Variants in ZNF738 observed in about 807,000 individuals in gnomAD.
The protein encoded by ZNF738 is zinc finger protein 738.
A neutral mutation model predicts 9.2 loss-of-function variants in ZNF738; 10 were observed. The observed-to-expected ratio is 1.09, with a 90% confidence interval of 0.67 to 1.85. The LOEUF (loss-of-function observed/expected upper bound fraction) is 1.85, where lower values mean the gene tolerates loss of function less well. ZNF738 is among the 40% of genes most tolerant of loss of function. The pLI, the probability that ZNF738 is intolerant of heterozygous loss-of-function variation, is 0.00. For synonymous variants in ZNF738, 113 were observed against 94.5 expected (o/e 1.20, Z -1.14); for missense variants, 346 against 283.6 (o/e 1.22, Z -1.58).
At chr19:21,364,296 CAT>C (rs1247821704) in intron 2 of ZNF738, among the ~76,000 whole-genome samples, 2 of 150,310 alleles carry the variant, frequency 1.3e-5, no homozygotes, top group Admixed American at 6.6e-5. Context: ...GGCTTTTTTT[CAT>C]AGAGTGGAGC....
At chr19:21,369,544 T>C (rs1199658982) in intron 2 of ZNF738, among the ~76,000 whole-genome samples, 1 of 152,124 alleles carries the variant, frequency 6.6e-6, no homozygotes, top group African/African-American at 2.4e-5. Context: ...TCAGGTTGAG[T>C]TGATTTTTAT....
intron 4 of ZNF738, chr19:21,378,695 G>C (rs912456815): frequency 5.3e-6 from 2 of 379,836 alleles, no homozygotes; most frequent in Middle Eastern, 5.4e-4. Context: ...TGTGTCCCAG[G>C]TTCAAGCAGT....
rs60889988 is a variant in ZNF738 at position 21,364,196 on chromosome 19, C to CAAAA, written c.96+2348_96+2351dup. 8.2e-3 allele frequency among the ~76,000 whole-genome samples: 739 copies of CAAAA among 89,940 alleles called. 36 individuals carry two copies. The highest frequency in any genetic ancestry group is 0.051 in the East Asian group (182 of 3,586). The allele number at this position is 89,940 out of a possible 152,430, so 59.0% of individuals were successfully genotyped here. A position where few individuals can be genotyped will look rare whatever the true frequency, so the allele number is the denominator to read the frequency against. Reference sequence around the variant, plus strand: ...TGGGCAATAGAGCGAGAATCCGTCTCAAAAAAAAAAAAAGAATTCAAAAAG... The same window carrying CAAAA: ...TGGGCAATAGAGCGAGAATCCGTCTCAAAAAAAAAAAAAAAAAGAATTCAAAAAG... On this transcript the variant is annotated intron_variant, in intron 2 of 4. Coordinates refer to ENST00000683779, the MANE Select transcript of ZNF738 (RefSeq NM_001355237.2).
intron 2 of ZNF738, among the ~76,000 whole-genome samples, chr19:21,370,690 C>T (rs549364981): frequency 4.9e-4 from 74 of 152,294 alleles, no homozygotes; most frequent in Non-Finnish European, 9.3e-4. Flanking sequence ...CATGTTGCCT[C>T]AGTTTTTTTC....
intron 2 of ZNF738, among the ~76,000 whole-genome samples, chr19:21,363,015 T>C (rs548263911): frequency 1.3e-5 from 2 of 152,368 alleles, no homozygotes; most frequent in South Asian, 2.1e-4. Flanking sequence ...GTTCAAATTC[T>C]GTTATCTTGA....
In ZNF738 at chr19:21,380,017, A is replaced by C. The variant is rs186806004; in HGVS notation, c.320-2849A>C. On this transcript the variant is annotated intron_variant, in intron 4 of 4. Coordinates refer to ENST00000683779, the MANE Select transcript of ZNF738 (RefSeq NM_001355237.2). Reference sequence around the variant, plus strand: ...AGTAACAAAAGGAACACTTATTAAGAAAATTTGATGATAAAAATGTTAGGC... The same window carrying C: ...AGTAACAAAAGGAACACTTATTAAGCAAATTTGATGATAAAAATGTTAGGC... Among the ~76,000 whole-genome samples the C allele has an allele frequency of 1.6e-3, 251 of 152,354 alleles. 1 individual carries two copies. The highest frequency in any genetic ancestry group is 5.7e-3 in the African/African-American group (236 of 41,584).
In ZNF738 at chr19:21,386,349, T is replaced by C; in HGVS notation, c.*2675T>C. ...ATGCTGGAGGGAAATCCCACCCATG[T>C]GGCAAAGCTTTTAATCAATCCTCAA... On this transcript the variant is annotated 3_prime_UTR_variant, in exon 5 of 5. Transcript: ENST00000683779. 3.3e-6 allele frequency: 1 copy of C among 307,240 alleles called. No homozygotes were observed. The highest frequency in any genetic ancestry group is 3.4e-5 in the South Asian group (1 of 29,814). The allele number at this position is 307,240 out of a possible 1,614,324, so 19.0% of individuals were successfully genotyped here.
At chr19:21,380,508 G>A (rs966150040) in intron 4 of ZNF738, among the ~76,000 whole-genome samples, 1 of 152,104 alleles carries the variant, frequency 6.6e-6, no homozygotes, top group Non-Finnish European at 1.5e-5. Flanking sequence ...AGGGAGGTGG[G>A]CTAGATGGCT....
chr19:21,366,209 C>G (rs1973776000), intron 2 of ZNF738, among the ~76,000 whole-genome samples: 1 of 152,132 alleles, frequency 6.6e-6, no homozygotes, highest in Non-Finnish European at 1.5e-5. Context: ...AATTAACATC[C>G]AGTGGTGTGA....
chr19:21,361,483 T>A (rs1343240485), intron 1 of ZNF738, among the ~76,000 whole-genome samples: 1 of 152,230 alleles, frequency 6.6e-6, no homozygotes, highest in South Asian at 2.1e-4. Flanking sequence ...TGTAAATATT[T>A]TCCATGAAAA....
Position 21,385,332 on chromosome 19 carries a change from T to C in ZNF738, c.*1658T>C, listed in dbSNP as rs966855275. ...TTAGCCAGGTGTAGTGGTGCACACC[T>C]GTAGTCCCAGCTACTCTGGAGGCCT... On this transcript the variant is annotated 3_prime_UTR_variant, in exon 5 of 5. Coordinates refer to ENST00000683779, the MANE Select transcript of ZNF738 (RefSeq NM_001355237.2). 5.3e-5 allele frequency among the ~76,000 whole-genome samples: 8 copies of C among 152,134 alleles called. No individual in the cohort carries two copies. Among genetic ancestry groups the C allele is most frequent in the African/African-American group, 1.7e-4 (7 of 41,434 alleles).
chr19:21,381,216 G>A, intron 4 of ZNF738: 2 of 1,521,408 alleles, frequency 1.3e-6, no homozygotes, highest in East Asian at 4.5e-5. Flanking sequence ...AGAGTCCTGA[G>A]ATTTCAAATA....
intron 2 of ZNF738, among the ~76,000 whole-genome samples, chr19:21,364,079 C>G (rs934880607): frequency 6.0e-5 from 9 of 149,334 alleles, no homozygotes; most frequent in African/African-American, 2.2e-4. Flanking sequence ...CACCTGTAGC[C>G]CCAGTGACTT....
chr19:21,364,742 CTTTTTTTT>C (rs766954668), intron 2 of ZNF738, among the ~76,000 whole-genome samples: 1 of 122,804 alleles, frequency 8.1e-6, no homozygotes, highest in African/African-American at 3.0e-5. Context: ...ATGGTTCTTT[CTTTTTTTT>C]TTTTTTTTTT....
intron 1 of ZNF738, among the ~76,000 whole-genome samples, chr19:21,359,917 T>A (rs1245819900): frequency 2.0e-5 from 3 of 152,084 alleles, no homozygotes. Flanking sequence ...AATCAAAAAG[T>A]GGTTCTAGAA....
intron 2 of ZNF738, among the ~76,000 whole-genome samples, chr19:21,374,284 G>A (rs1187711956): frequency 6.6e-6 from 1 of 151,714 alleles, no homozygotes; most frequent in Non-Finnish European, 1.5e-5. Context: ...GCTTTCTAGG[G>A]TGCTAAAGAA....
intron 4 of ZNF738, chr19:21,377,542 T>A: frequency 1.8e-6 from 1 of 549,362 alleles, no homozygotes; most frequent in Non-Finnish European, 3.3e-6. Context: ...ACAAAATTTG[T>A]CATAGGTTCC....
intron 2 of ZNF738, among the ~76,000 whole-genome samples, chr19:21,366,308 C>A (rs1192108395): frequency 1.3e-5 from 2 of 152,158 alleles, no homozygotes; most frequent in African/African-American, 2.4e-5. Flanking sequence ...GGTCTTGAAT[C>A]CAAGTACAGT....
intron 1 of ZNF738, among the ~76,000 whole-genome samples, chr19:21,360,008 G>A (rs772518790): frequency 8.5e-5 from 13 of 152,204 alleles, no homozygotes; most frequent in Non-Finnish European, 1.3e-4. Context: ...AATGCATGAT[G>A]AAGAAAACCA....
Sources: allele counts gnomAD v4.1 joint callset (sites outside exome capture counted in the v4.1 genomes callset), GRCh38; gene constraint gnomAD v4.1.1; transcripts MANE v1.5; gene names NCBI Gene and HGNC (gene_info 2026-07-23, HGNC 2026-07-21).